TAOK1: variants seen among roughly 807,000 people sequenced by gnomAD.
TAOK1 encodes the protein serine/threonine-protein kinase TAO1.
TAOK1 carries 21 observed loss-of-function variants against 138.3 expected under a neutral mutation model. The ratio of observed to expected loss-of-function variants is 0.15; its 90% CI spans 0.11 to 0.22. The LOEUF is 0.22. TAOK1 is among the 10% of genes least tolerant of loss of function. The pLI is 1.00. For missense variants in TAOK1, 651 were observed against 1,227.7 expected (o/e 0.53, Z 7.02); for synonymous variants, 361 against 398.4 (o/e 0.91, Z 1.12).
chr17:29,454,252 T>C (rs1647721210), intron 2 of TAOK1, among the ~76,000 whole-genome samples: 1 of 152,198 alleles, frequency 6.6e-6, no homozygotes, highest in Non-Finnish European at 1.5e-5. Flanking sequence ...ATTTCTGATC[T>C]CTTAATTCTA....
intron 1 of TAOK1, among the ~76,000 whole-genome samples, chr17:29,441,700 A>G (rs1398328525): frequency 6.6e-6 from 1 of 152,078 alleles, no homozygotes; most frequent in Non-Finnish European, 1.5e-5. Context: ...AAGAATCGAG[A>G]CCATCCTGGC....
intron 2 of TAOK1, among the ~76,000 whole-genome samples, chr17:29,463,545 T>G (rs1324934279): frequency 6.7e-6 from 1 of 148,686 alleles, no homozygotes; most frequent in Non-Finnish European, 1.5e-5. Context: ...CACTCCAGCC[T>G]GGGTGACAGA....
At position 29,509,101 on chromosome 17, in the gene TAOK1, T is replaced by G. The variant is rs1409377098; in HGVS notation, c.1575+969T>G. On this transcript the variant is annotated intron_variant, in intron 14 of 19. Transcript: ENST00000261716. Reference sequence around the variant, plus strand: ...ATACATACTTGATTTTGAAATAATTTGATGAAACAATGTATACATATTTAA... The same window carrying G: ...ATACATACTTGATTTTGAAATAATTGGATGAAACAATGTATACATATTTAA... 3.9e-5 allele frequency among the ~76,000 whole-genome samples: 6 copies of G among 152,198 alleles called. No homozygotes were observed. The South Asian group carries it at 6.2e-4, about 16-fold the overall frequency.
intron 1 of TAOK1, among the ~76,000 whole-genome samples, chr17:29,410,959 A>G (rs78670482): frequency 0.037 from 5,561 of 151,570 alleles, 318 homozygotes; most frequent in African/African-American, 0.13. Flanking sequence ...TCTTAATTCT[A>G]CTTTACTTAA....
rs1450514485 is a variant in TAOK1, at chr17:29,547,326, T to C, written c.*4304T>C. On this transcript the variant is annotated 3_prime_UTR_variant, in exon 20 of 20. Transcript: ENST00000261716. Reference sequence around the variant, plus strand: ...CCTGAACTGTAAAATCAACAGGAAATGGCCACTGGGAGAGAAGGATTTGGT... The same window carrying C: ...CCTGAACTGTAAAATCAACAGGAAACGGCCACTGGGAGAGAAGGATTTGGT... 6.6e-6 allele frequency: 1 copy of C among 152,106 alleles called. No individual in the cohort carries two copies. Among genetic ancestry groups the C allele is most frequent in the Non-Finnish European group, 1.5e-5 (1 of 67,982 alleles). The allele number at this position is 152,106 out of a possible 1,614,324, so 9.4% of individuals were successfully genotyped here.
chr17:29,397,018 G>A (rs1246785218), intron 1 of TAOK1, among the ~76,000 whole-genome samples: 2 of 139,056 alleles, frequency 1.4e-5, no homozygotes, highest in Non-Finnish European at 1.5e-5. Context: ...AAAAGGGCTG[G>A]GCATGGTGGC....
chr17:29,452,787 C>T (rs1256572168), intron 2 of TAOK1, among the ~76,000 whole-genome samples: 1 of 152,196 alleles, frequency 6.6e-6, no homozygotes, highest in Non-Finnish European at 1.5e-5. Flanking sequence ...TTTTGAGCTT[C>T]ATCCATATTG....
At chr17:29,466,122 T>C (rs1218529685) in intron 2 of TAOK1, among the ~76,000 whole-genome samples, 1 of 152,084 alleles carries the variant, frequency 6.6e-6, no homozygotes, top group Non-Finnish European at 1.5e-5. Context: ...TTATGAAATG[T>C]TTTTCTAGTT....
intron 4 of TAOK1, among the ~76,000 whole-genome samples, chr17:29,476,831 C>T (rs755554190): frequency 1.3e-5 from 2 of 151,656 alleles, no homozygotes; most frequent in Non-Finnish European, 2.9e-5. Flanking sequence ...GTTATATTGT[C>T]ATTTTTTAAA....
intron 19 of TAOK1, among the ~76,000 whole-genome samples, chr17:29,540,245 C>A (rs756823546): frequency 2.0e-5 from 3 of 152,202 alleles, no homozygotes; most frequent in Non-Finnish European, 4.4e-5. Flanking sequence ...ATATTCTTCT[C>A]AGGGAAAGAT....
chr17:29,536,793 G>A (rs1334002048), intron 19 of TAOK1, among the ~76,000 whole-genome samples: 1 of 148,956 alleles, frequency 6.7e-6, no homozygotes, highest in South Asian at 2.2e-4. Context: ...TCCACCTCCC[G>A]GGTTTACGCC....
At chr17:29,481,891 C>CA (rs1450573466) in intron 7 of TAOK1, among the ~76,000 whole-genome samples, 1 of 152,066 alleles carries the variant, frequency 6.6e-6, no homozygotes. Flanking sequence ...ACCCGGGAGG[C>CA]AGAGCTTGCA....
chr17:29,394,146 G>C (rs1354206521), intron 1 of TAOK1, among the ~76,000 whole-genome samples: 1 of 87,916 alleles, frequency 1.1e-5, no homozygotes, highest in Admixed American at 1.3e-4. Flanking sequence ...TTAATAATTT[G>C]CCAGTTTTTT....
intron 13 of TAOK1, among the ~76,000 whole-genome samples, chr17:29,505,215 C>G (rs924624470): frequency 6.6e-6 from 1 of 152,052 alleles, no homozygotes; most frequent in African/African-American, 2.4e-5. Flanking sequence ...CTTAGTCTAC[C>G]GTCTCCTGCC....
intron 18 of TAOK1, among the ~76,000 whole-genome samples, chr17:29,531,862 CTT>C (rs1185280066): frequency 9.4e-5 from 13 of 138,368 alleles, no homozygotes; most frequent in Admixed American, 7.2e-5. Flanking sequence ...GTAACCCTTT[CTT>C]TTTTTTTTTT....
intron 3 of TAOK1, among the ~76,000 whole-genome samples, chr17:29,467,757 T>C (rs1484091132): frequency 1.3e-5 from 2 of 152,082 alleles, no homozygotes. Context: ...AAACAGAGCA[T>C]TATTGGTATC....
intron 8 of TAOK1, among the ~76,000 whole-genome samples, chr17:29,487,286 T>TAATGA (rs892090350): frequency 6.9e-6 from 1 of 144,202 alleles, no homozygotes; most frequent in Non-Finnish European, 1.5e-5. Flanking sequence ...GTATTAAGGA[T>TAATGA]AATGAGAGCA....
intron 3 of TAOK1, among the ~76,000 whole-genome samples, chr17:29,468,014 A>G (rs922522519): frequency 2.0e-5 from 3 of 150,842 alleles, no homozygotes; most frequent in Non-Finnish European, 3.0e-5. Flanking sequence ...TTTAGTAGAG[A>G]CAGGGTGTCT....
chr17:29,473,231 G>C (rs1194236613), intron 3 of TAOK1, among the ~76,000 whole-genome samples: 2 of 152,292 alleles, frequency 1.3e-5, no homozygotes, highest in East Asian at 3.9e-4. Flanking sequence ...CCCCTAACAA[G>C]AGAGTCAGCC....
Sources: allele counts gnomAD v4.1 joint callset (sites outside exome capture counted in the v4.1 genomes callset), GRCh38; gene constraint gnomAD v4.1.1; transcripts MANE v1.5; gene names NCBI Gene and HGNC (gene_info 2026-07-23, HGNC 2026-07-21).